MRPS15: variants seen among roughly 807,000 people sequenced by gnomAD.
MRPS15 encodes the protein small ribosomal subunit protein uS15m.
In MRPS15, 25 loss-of-function variants were observed where a neutral mutation model predicts 30.7. That is an observed-to-expected ratio of 0.81 (90% confidence interval 0.59 to 1.14). The LOEUF (loss-of-function observed/expected upper bound fraction) is 1.14. MRPS15 is among the 50% of genes most tolerant of loss of function. The pLI is 0.00. For missense variants in MRPS15, 313 were observed against 321.7 expected (o/e 0.97, Z 0.21); for synonymous variants, 124 against 120.1 (o/e 1.03, Z -0.21).
chr1:36,463,994 C>T, intron 1 of MRPS15, 144 bp from the exon 2 acceptor site: 2 of 1,501,128 alleles, frequency 1.3e-6, no homozygotes, highest in Non-Finnish European at 1.8e-6. Context: ...TACCCCTTGT[C>T]TCTCACATCT....
chr1:36,462,220 TC>T, intron 2 of MRPS15, 57 bp from the exon 3 acceptor site: 1 of 1,357,138 alleles, frequency 7.4e-7, no homozygotes, highest in Non-Finnish European at 1.0e-6. Context: ...CTGCCCACCC[TC>T]CCAGACCTGG....
At chr1:36,463,118 A>C (rs951623084) in intron 2 of MRPS15, among the ~76,000 whole-genome samples, 2 of 150,834 alleles carry the variant, frequency 1.3e-5, no homozygotes, top group African/African-American at 4.9e-5. Flanking sequence ...GCGCGCTACC[A>C]CACCTGGCTA....
At position 36,464,281 on chromosome 1, in the gene MRPS15, C is replaced by T. The variant is rs753759504; in HGVS notation, c.-6G>A. The T allele has an allele frequency of 1.2e-6, 2 of 1,604,338 alleles. No homozygotes were observed. Among genetic ancestry groups the T allele is most frequent in the Non-Finnish European group, 1.7e-6 (2 of 1,175,746 alleles). ...CTCCACGCGACCCTCAGCATGGTGA[C>T]CTCTAACCCCCGCGGGGCCCGCGCC... On this transcript the variant is annotated 5_prime_UTR_variant, in exon 1 of 8. Transcript: ENST00000373116.
chr1:36,460,686 A>T lies in MRPS15; in HGVS notation c.385+6T>A. ...CACCCCCACTCCCCAAGGGTCCCCG[A>T]CCAACTTCGAGCCTCCAGGGATCTG... On this transcript the variant is annotated splice_donor_region_variant and intron_variant, in intron 5 of 7. Transcript: ENST00000373116. The T allele has an allele frequency of 6.2e-7, 1 of 1,613,378 alleles. No individual in the cohort carries two copies. The highest frequency in any genetic ancestry group is 8.5e-7 in the Non-Finnish European group (1 of 1,179,396).
intron 6 of MRPS15, 101 bp downstream of exon 6, chr1:36,457,822 G>T: frequency 8.8e-7 from 1 of 1,135,806 alleles, no homozygotes; most frequent in South Asian, 1.3e-5. Context: ...AGCATTTTCA[G>T]TGGCTTCTAA....
At chr1:36,456,418 T>G in intron 6 of MRPS15, 40 bp from the exon 7 acceptor site, 2 of 1,497,630 alleles carry the variant, frequency 1.3e-6, no homozygotes, top group Non-Finnish European at 1.8e-6. Flanking sequence ...TATATAAGTG[T>G]TACTGTTGTT....
At chr1:36,457,418 G>GA (rs1247407874) in intron 6 of MRPS15, among the ~76,000 whole-genome samples, 3 of 151,800 alleles carry the variant, frequency 2.0e-5, no homozygotes, top group African/African-American at 4.8e-5. Context: ...GTTAAGATGG[G>GA]AAAAAAAAGT....
intron 3 of MRPS15, 55 bp downstream of exon 3, chr1:36,462,033 C>T: frequency 2.0e-6 from 3 of 1,483,900 alleles, no homozygotes; most frequent in African/African-American, 1.4e-5. Flanking sequence ...TTCCCCACTC[C>T]CCGACAATCC....
At position 36,460,714 on chromosome 1, in the gene MRPS15, G is replaced by A. The variant is rs576699718; in HGVS notation, c.363C>T (p.Asp121=). The change falls in exon 5 of 8, where the codon GAC becomes GAT. Residue 121 remains aspartate, a synonymous_variant. Coordinates refer to ENST00000373116, the MANE Select transcript of MRPS15 (RefSeq NM_031280.4). The stretch of plus-strand genomic sequence containing the variant: ...AACTTCGAGCCTCCAGGGATCTGGT[G>A]TCCTCTGGGTTTGCAACAATCTTCT... ...FMKKIVANPE[D]TRSLEARIIA... The A allele has an allele frequency of 4.3e-6, 7 of 1,614,030 alleles. No homozygotes were observed. In the South Asian group the frequency reaches 6.6e-5, roughly 15 times the overall value.
Position 36,464,316 on chromosome 1 carries a change from G to A in MRPS15, c.-41C>T. The A allele has an allele frequency of 1.3e-6, 2 of 1,590,526 alleles. No homozygotes were observed. Among genetic ancestry groups the A allele is most frequent in the Non-Finnish European group, 1.7e-6 (2 of 1,167,818 alleles). On this transcript the variant is annotated 5_prime_UTR_variant, in exon 1 of 8. The change creates a new upstream start codon in the 5' untranslated region. Transcript: ENST00000373116. ...CCGCGGGGCCCGCGCCGCGGCCGCCGTTCGCTTTGCGGCACGGACCGGGTT... is the reference window on the plus strand; with the variant it reads ...CCGCGGGGCCCGCGCCGCGGCCGCCATTCGCTTTGCGGCACGGACCGGGTT...
intron 5 of MRPS15, chr1:36,459,400 C>CAAAAAAAAAAAAAAAAAAAAAAAAAA (rs61246335): frequency 1.2e-5 from 1 of 83,826 alleles, no homozygotes. Flanking sequence ...GATCCGGTCT[C>CAAAAAAAAAAAAAAAAAAAAAAAAAA]AAAAAAAAAA....
At position 36,455,778 on chromosome 1, in the gene MRPS15, T is replaced by C. The variant is rs1649982001; in HGVS notation, c.*10A>G. The stretch of plus-strand genomic sequence containing the variant: ...ATTCTTCAAGACAGAAAGAAATGAT[T>C]GAACAGAATTTATTGGCTGTCTTTG... On this transcript the variant is annotated 3_prime_UTR_variant, in exon 8 of 8. Transcript: ENST00000373116. The C allele has an allele frequency of 6.2e-7, 1 of 1,612,546 alleles. No individual in the cohort carries two copies. Among genetic ancestry groups the C allele is most frequent in the Admixed American group, 1.7e-5 (1 of 59,486 alleles).
chr1:36,463,722 A>G, intron 2 of MRPS15, 84 bp downstream of exon 2: 1 of 1,492,486 alleles, frequency 6.7e-7, no homozygotes, highest in South Asian at 1.3e-5. Flanking sequence ...TAGTGGCTCT[A>G]ATTCGCCACA....
chr1:36,463,793 T>C lies in MRPS15; in HGVS notation c.175+13A>G, dbSNP rs764765178. Reference sequence around the variant, plus strand: ...CTCTCTTCCGCCCCAAGTCCCACCTTAGGAACTCCTACCTGGTTTCCGGAC... The same window carrying C: ...CTCTCTTCCGCCCCAAGTCCCACCTCAGGAACTCCTACCTGGTTTCCGGAC... On this transcript the variant is annotated intron_variant, in intron 2 of 7. Coordinates refer to ENST00000373116, the MANE Select transcript of MRPS15 (RefSeq NM_031280.4). The C allele has an allele frequency of 6.2e-7, 1 of 1,610,780 alleles. No homozygotes were observed. The highest frequency in any genetic ancestry group is 1.7e-5 in the Admixed American group (1 of 59,462).
chr1:36,458,256 T>C lies in MRPS15; in HGVS notation c.386-275A>G, dbSNP rs756837542. On this transcript the variant is annotated intron_variant, in intron 5 of 7. Transcript: ENST00000373116. This position sits in a 1 kb window ranked among gnomAD's most constrained non-coding sequence, Gnocchi z 4.5. ...TAGCATTCTTTTTTTTGAGACGGAG[T>C]CTCGCTCTGTTGCCCAGGCTGGAGT... 13 of 349,998 alleles carry C rather than the reference T, an allele frequency of 3.7e-5. No homozygotes were observed. The highest frequency in any genetic ancestry group is 6.4e-5 in the Non-Finnish European group (12 of 188,836). The allele number at this position is 349,998 out of a possible 1,614,324, so 21.7% of individuals were successfully genotyped here.
At chr1:36,459,955 T>G (rs1365930715) in intron 5 of MRPS15, among the ~76,000 whole-genome samples, 1 of 152,230 alleles carries the variant, frequency 6.6e-6, no homozygotes, top group Non-Finnish European at 1.5e-5. Context: ...AGCAACATTA[T>G]TCCCTTGGGA....
At chr1:36,460,112 G>A (rs60096846) in intron 5 of MRPS15, among the ~76,000 whole-genome samples, 2 of 152,292 alleles carry the variant, frequency 1.3e-5, no homozygotes, top group African/African-American at 2.4e-5. Flanking sequence ...CCAGGTTCAC[G>A]CCATTCTCCT....
At chr1:36,462,001 C>G (rs1650108505) in intron 3 of MRPS15, 87 bp downstream of exon 3, 3 of 1,182,202 alleles carry the variant, frequency 2.5e-6, no homozygotes, top group Non-Finnish European at 3.7e-6. Flanking sequence ...CTACAGCAAG[C>G]CAAGTCTCAA....
chr1:36,464,210 T>A lies in MRPS15; in HGVS notation c.66A>T (p.Val22=), dbSNP rs1162809381. The A allele has an allele frequency of 3.1e-6, 5 of 1,613,790 alleles. No homozygotes were observed. The highest frequency in any genetic ancestry group is 4.2e-6 in the Non-Finnish European group (5 of 1,179,980). The change falls in exon 1 of 8, where the codon GTA becomes GTT. Residue 22 remains valine, a synonymous_variant. Transcript: ENST00000373116. ...IRTRAVTQVL[V]PGLPGGGSAK... Reference sequence around the variant, plus strand: ...CGCTCCCACCGCCCGGCAGCCCGGGTACTAGGACCTGGGTAACTGCCCGGG... The same window carrying A: ...CGCTCCCACCGCCCGGCAGCCCGGGAACTAGGACCTGGGTAACTGCCCGGG...
Sources: allele counts gnomAD v4.1 joint callset (sites outside exome capture counted in the v4.1 genomes callset), GRCh38; gene constraint gnomAD v4.1.1; non-coding constraint Gnocchi (gnomAD v3.1); transcripts MANE v1.5; gene names NCBI Gene and HGNC (gene_info 2026-07-23, HGNC 2026-07-21).